Variants in DGKB observed in about 807,000 individuals in gnomAD.
The protein encoded by DGKB is 90 kDa diacylglycerol kinase.
Under a neutral mutation model 114.3 loss-of-function variants are expected in DGKB, and 67 were observed. The ratio of observed to expected loss-of-function variants is 0.59; its 90% confidence interval spans 0.48 to 0.72. The LOEUF is 0.72. Among genes scored for constraint, DGKB ranks in the 30% least tolerant of loss-of-function variants. DGKB has a pLI of 0.00. For synonymous variants in DGKB, 398 were observed against 323.1 expected (o/e 1.23, Z -2.49); for missense variants, 907 against 975.2 (o/e 0.93, Z 0.93).
intron 1 of DGKB, among the ~76,000 whole-genome samples, chr7:14,865,108 T>C (rs1277315058): frequency 2.6e-5 from 4 of 152,058 alleles, no homozygotes; most frequent in Non-Finnish European, 5.9e-5. Flanking sequence ...CAAAATGTGA[T>C]CAAGATGACC....
intron 25 of DGKB, among the ~76,000 whole-genome samples, chr7:14,165,651 A>G (rs1178641109): frequency 5.3e-5 from 8 of 152,182 alleles, no homozygotes; most frequent in African/African-American, 1.7e-4. Flanking sequence ...ATTCCATTAT[A>G]TTTTCCAATA....
At chr7:14,592,320 G>A (rs186156799) in intron 17 of DGKB, among the ~76,000 whole-genome samples, 5 of 151,892 alleles carry the variant, frequency 3.3e-5, no homozygotes, top group African/African-American at 4.8e-5. Context: ...TTCTTGTTTA[G>A]AAAAAATAAT....
intron 23 of DGKB, among the ~76,000 whole-genome samples, chr7:14,219,630 C>G (rs893798939): frequency 6.6e-6 from 1 of 151,566 alleles, no homozygotes; most frequent in African/African-American, 2.4e-5. Flanking sequence ...TGTAATTGGG[C>G]TATTTATTTT....
intron 13 of DGKB, among the ~76,000 whole-genome samples, chr7:14,650,087 C>T (rs1478077985): frequency 2.6e-5 from 4 of 151,458 alleles, no homozygotes; most frequent in South Asian, 2.1e-4. Flanking sequence ...GACAGATCAA[C>T]GAGACAGAAA....
At chr7:14,344,901 A>C (rs1812225274) in intron 22 of DGKB, among the ~76,000 whole-genome samples, 1 of 151,720 alleles carries the variant, frequency 6.6e-6, no homozygotes, top group African/African-American at 2.4e-5. Context: ...TATTCATAAA[A>C]GTAAGTACAA....
chr7:14,846,417 A>G (rs1201596523), intron 1 of DGKB, among the ~76,000 whole-genome samples: 1 of 152,192 alleles, frequency 6.6e-6, no homozygotes, highest in Non-Finnish European at 1.5e-5. Context: ...TACTAGCTGA[A>G]CTGGCATACA....
chr7:14,245,828 T>C (rs953662243), intron 23 of DGKB, among the ~76,000 whole-genome samples: 2 of 152,024 alleles, frequency 1.3e-5, no homozygotes, highest in South Asian at 4.2e-4. Flanking sequence ...CTCGAGAGGT[T>C]GAGGCAGGAG....
chr7:14,859,303 C>G (rs1850638186), intron 1 of DGKB, among the ~76,000 whole-genome samples: 2 of 152,250 alleles, frequency 1.3e-5, no homozygotes, highest in Admixed American at 1.3e-4. Context: ...GAGGCAGAGT[C>G]AAAGTCTGAG....
At chr7:14,499,146 C>T (rs1307601306) in intron 20 of DGKB, among the ~76,000 whole-genome samples, 28 of 151,620 alleles carry the variant, frequency 1.8e-4, no homozygotes, top group Non-Finnish European at 5.9e-5. Flanking sequence ...ATAAATTTTG[C>T]ACTGGTTGCT....
chr7:14,277,400 T>C (rs1799186602), intron 23 of DGKB, among the ~76,000 whole-genome samples: 1 of 152,190 alleles, frequency 6.6e-6, no homozygotes, highest in Non-Finnish European at 1.5e-5. Flanking sequence ...CTCGAACGCC[T>C]GGCCACAAGC....
At chr7:14,159,657 G>A (rs1455751829) in intron 25 of DGKB, among the ~76,000 whole-genome samples, 1 of 152,128 alleles carries the variant, frequency 6.6e-6, no homozygotes, top group Admixed American at 6.6e-5. Flanking sequence ...CTGAAAGAAT[G>A]AATAAATGAA....
At chr7:14,884,285 A>G (rs572184211) in intron 1 of DGKB, among the ~76,000 whole-genome samples, 17 of 152,088 alleles carry the variant, frequency 1.1e-4, no homozygotes, top group African/African-American at 3.9e-4. Context: ...CTCTTATACT[A>G]TATCCATTAT....
At chr7:14,875,531 G>C (rs1238441867) in intron 1 of DGKB, among the ~76,000 whole-genome samples, 2 of 152,096 alleles carry the variant, frequency 1.3e-5, no homozygotes, top group African/African-American at 4.8e-5. Flanking sequence ...TTTCACCTTT[G>C]TTTATTTATT....
At chr7:14,812,636 C>T (rs1251453772) in intron 2 of DGKB, among the ~76,000 whole-genome samples, 4 of 152,142 alleles carry the variant, frequency 2.6e-5, no homozygotes, top group Non-Finnish European at 5.9e-5. Context: ...CCCAGGGTCC[C>T]AGATAAATTA....
chr7:14,205,749 T>C (rs1327414265), intron 23 of DGKB, among the ~76,000 whole-genome samples: 3 of 151,962 alleles, frequency 2.0e-5, no homozygotes, highest in African/African-American at 7.2e-5. Context: ...TGTCTTCTGA[T>C]CTCTCATTCT....
At chr7:14,965,516 C>A (rs1038373467) in intron 1 of DGKB, among the ~76,000 whole-genome samples, 2 of 151,874 alleles carry the variant, frequency 1.3e-5, no homozygotes, top group African/African-American at 4.8e-5. Context: ...AAATGTACAC[C>A]AAGTTTTAGA....
chr7:14,750,150 G>A, intron 4 of DGKB: 1 of 518,470 alleles, frequency 1.9e-6, no homozygotes, highest in South Asian at 1.4e-5. Flanking sequence ...AACACCACAA[G>A]CTTCTAATTG....
chr7:14,725,539 A>G (rs553791168), intron 5 of DGKB, among the ~76,000 whole-genome samples: 3 of 152,214 alleles, frequency 2.0e-5, no homozygotes, highest in African/African-American at 7.2e-5. Flanking sequence ...ATATCTTTAA[A>G]ACAAAAAGGA....
chr7:14,167,944 A>T (rs560607290), intron 25 of DGKB, among the ~76,000 whole-genome samples: 1 of 152,344 alleles, frequency 6.6e-6, no homozygotes, highest in Admixed American at 6.5e-5. Context: ...ATCACAGAAA[A>T]ATCTCAAAAA....
Sources: allele counts gnomAD v4.1 joint callset (sites outside exome capture counted in the v4.1 genomes callset), GRCh38; gene constraint gnomAD v4.1.1; transcripts MANE v1.5; gene names NCBI Gene and HGNC (gene_info 2026-07-23, HGNC 2026-07-21).